CSMD1: variants seen among roughly 807,000 people sequenced by gnomAD.
The protein encoded by CSMD1 is CUB and Sushi multiple domains 1.
Under a neutral mutation model 417.5 loss-of-function variants are expected in CSMD1, and 213 were observed. That is an observed-to-expected ratio of 0.51 (90% CI 0.46 to 0.57). The LOEUF is 0.57. Among genes scored for constraint, CSMD1 ranks in the 20% least tolerant of loss-of-function variants. The pLI, the probability that CSMD1 is intolerant of heterozygous loss-of-function variation, is 0.00. For missense variants in CSMD1, 6,923 were observed against 4,529.7 expected (o/e 1.53, Z -15.17); for synonymous variants, 2,862 against 1,736.8 (o/e 1.65, Z -16.11).
chr8:3,439,376 G>A (rs191293594), intron 12 of CSMD1, among the ~76,000 whole-genome samples: 48 of 134,982 alleles, frequency 3.6e-4, no homozygotes, highest in African/African-American at 1.1e-3. Context: ...GCTCATTTTT[G>A]TCTTAAATTT....
chr8:4,782,887 GT>G (rs1013158598), intron 1 of CSMD1, among the ~76,000 whole-genome samples: 7 of 149,680 alleles, frequency 4.7e-5, no homozygotes, highest in African/African-American at 1.7e-4. Context: ...TGATGTACAT[GT>G]TTTTTGGAGG....
At chr8:3,647,516 T>C (rs980845255) in intron 7 of CSMD1, among the ~76,000 whole-genome samples, 3 of 151,980 alleles carry the variant, frequency 2.0e-5, no homozygotes, top group South Asian at 2.1e-4. Flanking sequence ...ATCAGAGAAA[T>C]ATAGCATAAA....
At chr8:4,925,240 TGCAGTGTGGCCCACTTTTGG>T (rs1806778361) in intron 1 of CSMD1, among the ~76,000 whole-genome samples, 1 of 145,016 alleles carries the variant, frequency 6.9e-6, no homozygotes, top group African/African-American at 2.5e-5. Flanking sequence ...TTTTTTTTTT[TGCAGTGTGGCCCACTTTTGG>T]TTCTGGGAAG....
In CSMD1 at chr8:4,041,173, C is replaced by T. The variant is rs559659663; in HGVS notation, c.416-9074G>A. Among the ~76,000 whole-genome samples, 128 of 151,924 alleles carry T rather than the reference C, an allele frequency of 8.4e-4. 1 individual carries two copies. In the South Asian group the frequency reaches 0.015, roughly 18 times the overall value. On this transcript the variant is annotated intron_variant, in intron 3 of 69. Transcript: ENST00000635120. Reference sequence around the variant, plus strand: ...CTGGGACTACAGGCGCCCGCCACCACGCCCGGCTAATTTTTTTGTATTTTT... The same window carrying T: ...CTGGGACTACAGGCGCCCGCCACCATGCCCGGCTAATTTTTTTGTATTTTT...
intron 26 of CSMD1, chr8:3,278,952 G>A (rs1488980261): frequency 6.6e-6 from 1 of 152,162 alleles, no homozygotes; most frequent in Admixed American, 6.5e-5. Context: ...CGACTGAGGG[G>A]TTATAGGAAC....
chr8:3,669,851 G>A (rs1039994696), intron 7 of CSMD1, among the ~76,000 whole-genome samples: 25 of 152,242 alleles, frequency 1.6e-4, no homozygotes, highest in African/African-American at 6.0e-4. Flanking sequence ...TGTCAGCCAT[G>A]AACAGGAGGG....
chr8:3,734,401 C>T (rs948927531), intron 6 of CSMD1, among the ~76,000 whole-genome samples: 2 of 152,172 alleles, frequency 1.3e-5, no homozygotes, highest in East Asian at 1.9e-4. Flanking sequence ...GCATTGGGAA[C>T]ACTGCTCAAT....
chr8:3,744,680 G>C (rs899041147), intron 6 of CSMD1, among the ~76,000 whole-genome samples: 1 of 152,170 alleles, frequency 6.6e-6, no homozygotes, highest in East Asian at 1.9e-4. Context: ...CCTACAGACA[G>C]GTAGCAAATA....
At chr8:4,064,455 A>G (rs747660736) in intron 3 of CSMD1, among the ~76,000 whole-genome samples, 10 of 152,198 alleles carry the variant, frequency 6.6e-5, no homozygotes, top group Non-Finnish European at 7.3e-5. Context: ...TTAAATTTTC[A>G]TATATCAAAA....
intron 10 of CSMD1, among the ~76,000 whole-genome samples, chr8:3,554,290 A>G (rs551737956): frequency 2.6e-5 from 4 of 152,384 alleles, no homozygotes; most frequent in Admixed American, 6.5e-5. Flanking sequence ...AATATCTTAA[A>G]TGGGTCCAGA....
At chr8:3,904,909 T>C (rs960238980) in intron 5 of CSMD1, among the ~76,000 whole-genome samples, 1 of 152,164 alleles carries the variant, frequency 6.6e-6, no homozygotes, top group African/African-American at 2.4e-5. Flanking sequence ...AGGGCTGAGA[T>C]TACAGGTGTG....
At chr8:4,381,988 G>A (rs35472613) in intron 3 of CSMD1, among the ~76,000 whole-genome samples, 2,126 of 152,108 alleles carry the variant, frequency 0.014, 13 homozygotes, top group African/African-American at 0.025. Context: ...TAAAATGACC[G>A]GACCAAGATC....
chr8:3,686,519 T>G (rs1229767054), intron 7 of CSMD1, among the ~76,000 whole-genome samples: 2 of 152,172 alleles, frequency 1.3e-5, no homozygotes, highest in Non-Finnish European at 2.9e-5. Context: ...CAAGATCATG[T>G]CATTCTGTTC....
chr8:4,614,874 T>C (rs945284193), intron 2 of CSMD1, among the ~76,000 whole-genome samples: 1 of 152,186 alleles, frequency 6.6e-6, no homozygotes, highest in African/African-American at 2.4e-5. Flanking sequence ...ATATAAAGTA[T>C]TATTAATATT....
chr8:3,440,801 G>C (rs1422945945), intron 12 of CSMD1, among the ~76,000 whole-genome samples: 4 of 152,106 alleles, frequency 2.6e-5, no homozygotes, highest in Non-Finnish European at 2.9e-5. Flanking sequence ...TGTTTTGTAA[G>C]TGCTCTTTAT....
At chr8:2,972,880 C>T (rs138512696) in intron 57 of CSMD1, among the ~76,000 whole-genome samples, 4 of 152,098 alleles carry the variant, frequency 2.6e-5, no homozygotes, top group Admixed American at 6.6e-5. Flanking sequence ...TAGAAGCTTC[C>T]GTGTTACGAA....
chr8:3,128,909 A>G, intron 41 of CSMD1: 1 of 452,318 alleles, frequency 2.2e-6, no homozygotes, highest in Non-Finnish European at 4.4e-6. Flanking sequence ...TCCTATTGCA[A>G]GAGACAAAGG....
intron 3 of CSMD1, among the ~76,000 whole-genome samples, chr8:4,149,416 C>A (rs1009855388): frequency 6.6e-6 from 1 of 152,016 alleles, no homozygotes; most frequent in African/African-American, 2.4e-5. Flanking sequence ...TAGCTCTGAG[C>A]AATATTTGAA....
In CSMD1 at chr8:3,510,050, A is replaced by C. The variant is rs138349657; in HGVS notation, c.1345-16324T>G. On this transcript the variant is annotated intron_variant, in intron 10 of 69. Coordinates refer to ENST00000635120, the MANE Select transcript of CSMD1 (RefSeq NM_033225.6). ...TCCACTTCTCCCCTCTACATCAGTGAAACACCGGTAAGGATAAAGAAAATG... is the reference window on the plus strand; with the variant it reads ...TCCACTTCTCCCCTCTACATCAGTGCAACACCGGTAAGGATAAAGAAAATG... Among the ~76,000 whole-genome samples, 4 of 152,344 alleles carry C rather than the reference A, an allele frequency of 2.6e-5. No individual in the cohort carries two copies. In the East Asian group the frequency reaches 7.7e-4, roughly 29 times the overall value.
Sources: allele counts gnomAD v4.1 joint callset (sites outside exome capture counted in the v4.1 genomes callset), GRCh38; gene constraint gnomAD v4.1.1; transcripts MANE v1.5; gene names NCBI Gene and HGNC (gene_info 2026-07-23, HGNC 2026-07-21).